SDHAF2: variants seen among roughly 807,000 people sequenced by gnomAD.
SDHAF2 encodes succinate dehydrogenase assembly factor 2, mitochondrial.
SDHAF2 carries 21 observed loss-of-function variants against 18.5 expected under a neutral mutation model. The observed-to-expected ratio is 1.13, with a 90% CI of 0.80 to 1.63. The LOEUF (loss-of-function observed/expected upper bound fraction) is 1.63, where lower values mean the gene tolerates loss of function less well. Ranked by LOEUF, SDHAF2 falls within the 40% of genes most tolerant of loss-of-function variation. The probability of loss-of-function intolerance (pLI) is 0.00; values close to 1 mark genes in which losing one functional copy is unlikely to be tolerated. For missense variants in SDHAF2, 195 were observed against 200.3 expected (o/e 0.97, Z 0.16); for synonymous variants, 84 against 70.7 (o/e 1.19, Z -0.94).
chr11:61,445,714 A>G (rs1403678043), intron 3 of SDHAF2, among the ~76,000 whole-genome samples: 1 of 152,350 alleles, frequency 6.6e-6, no homozygotes, highest in East Asian at 1.9e-4. Flanking sequence ...CATGGGTAAT[A>G]TGTAAACCAT....
chr11:61,436,913 G>C (rs1862001011), intron 1 of SDHAF2: 22 of 1,286,384 alleles, frequency 1.7e-5, no homozygotes, highest in Non-Finnish European at 2.2e-5. Context: ...GGGAGCCTTT[G>C]GGGGATTAGG....
Position 61,437,761 on chromosome 11 carries a change from G to A in SDHAF2, c.173G>A (p.Arg58Lys). 6.2e-7 allele frequency: 1 copy of A among 1,614,182 alleles called. No individual in the cohort carries two copies. The highest frequency in any genetic ancestry group is 8.5e-7 in the Non-Finnish European group (1 of 1,180,024). ...IEIPLPPWQE[R>K]TDESIETKRA... is the part of the protein sequence containing the mutation. ...ATCCCTTTGCCTCCATGGCAGGAGA[G>A]AACTGATGAATCCATAGAAACCAAA... is the stretch of plus-strand genomic sequence containing the variant. Residue 58 changes from arginine (R) to lysine (K), a missense_variant, in exon 2 of 4, where the codon AGA becomes AAA. By Grantham distance (26) the Arg-to-Lys change is conservative. Transcript: ENST00000301761.
At chr11:61,440,516 G>A (rs182937013) in intron 3 of SDHAF2, among the ~76,000 whole-genome samples, 5 of 151,810 alleles carry the variant, frequency 3.3e-5, no homozygotes, top group Admixed American at 1.3e-4. Flanking sequence ...CAGGAGAATC[G>A]CTTAAACCTG....
intron 3 of SDHAF2, among the ~76,000 whole-genome samples, chr11:61,442,892 C>G (rs1862087740): frequency 6.6e-6 from 1 of 152,102 alleles, no homozygotes; most frequent in Admixed American, 6.5e-5. Context: ...CAACTGGGAC[C>G]ACAGGCACGT....
At chr11:61,443,439 T>C (rs796789449) in intron 3 of SDHAF2, among the ~76,000 whole-genome samples, 12 of 152,358 alleles carry the variant, frequency 7.9e-5, no homozygotes, top group African/African-American at 2.6e-4. Context: ...GTGTGTTGTT[T>C]TTTTCTTCTT....
At chr11:61,438,203 T>TA (rs750848456) in intron 3 of SDHAF2, 90 bp downstream of exon 3, 1 of 911,238 alleles carries the variant, frequency 1.1e-6, no homozygotes, top group Non-Finnish European at 1.6e-6. Flanking sequence ...TTTTTTTCTT[T>TA]CTTTTTTTTT....
rs544036326 is a variant in SDHAF2 at position 61,442,185 on chromosome 11, G to C, written c.371-3756G>C. On this transcript the variant is annotated intron_variant, in intron 3 of 3. Coordinates refer to ENST00000301761, the MANE Select transcript of SDHAF2 (RefSeq NM_017841.4). The stretch of plus-strand genomic sequence containing the variant: ...TGGGATTACAGGTGTGAGCCACCAT[G>C]CCTGGCCAGATTTTCCATTTTGGAA... Among the ~76,000 whole-genome samples the C allele has an allele frequency of 3.9e-5, 6 of 152,286 alleles. No individual in the cohort carries two copies. In the East Asian group the frequency reaches 1.2e-3, roughly 29 times the overall value.
Position 61,438,077 on chromosome 11 carries a change from C to A in SDHAF2, c.334C>A (p.Pro112Thr), listed in dbSNP as rs758481098. Residue 112 changes from proline (P) to threonine (T), a missense_variant, in exon 3 of 4, where the codon CCT becomes ACT. Pro to Thr is a conservative substitution (Grantham distance 38). Coordinates refer to ENST00000301761, the MANE Select transcript of SDHAF2 (RefSeq NM_017841.4). ...LNLYDRLINE[P>T]SNDWDIYYWA... ...CCTCTATGACCGCCTGATTAACGAGCCTAGTAATGACTGGGATATTTACTA... is the reference window on the plus strand; with the variant it reads ...CCTCTATGACCGCCTGATTAACGAGACTAGTAATGACTGGGATATTTACTA... 3 of 1,613,986 alleles carry A rather than the reference C, an allele frequency of 1.9e-6. No homozygotes were observed. The highest frequency in any genetic ancestry group is 2.5e-6 in the Non-Finnish European group (3 of 1,179,936).
intron 3 of SDHAF2, among the ~76,000 whole-genome samples, 158 bp from the exon 4 acceptor site, chr11:61,445,783 C>T (rs1862129997): frequency 6.6e-6 from 1 of 152,160 alleles, no homozygotes; most frequent in Non-Finnish European, 1.5e-5. Context: ...GTTTGCCACC[C>T]CCTGGTATAG....
chr11:61,433,790 G>A (rs1861961949), intron 1 of SDHAF2: 1 of 152,276 alleles, frequency 6.6e-6, no homozygotes, highest in South Asian at 2.1e-4. Flanking sequence ...CATAGTCCTG[G>A]AGGCTAGAAG....
intron 3 of SDHAF2, among the ~76,000 whole-genome samples, chr11:61,440,546 A>G (rs1862051956): frequency 6.6e-6 from 1 of 152,188 alleles, no homozygotes; most frequent in Non-Finnish European, 1.5e-5. Context: ...GGTTGCAGTG[A>G]GCCAAGATTG....
In SDHAF2 at chr11:61,436,853, G is replaced by A. The variant is rs1033963295; in HGVS notation, c.37-772G>A. ...CTCCACCATCTTCACCTCTTGCTGA[G>A]GTCACCACCTTGACATCATATCTTG... On this transcript the variant is annotated intron_variant, in intron 1 of 3. Coordinates refer to ENST00000301761, the MANE Select transcript of SDHAF2 (RefSeq NM_017841.4). The A allele has an allele frequency of 7.8e-7, 1 of 1,286,220 alleles. No homozygotes were observed. Among genetic ancestry groups the A allele is most frequent in the Non-Finnish European group, 1.0e-6 (1 of 986,338 alleles). The allele number at this position is 1,286,220 out of a possible 1,614,324, so 79.7% of individuals were successfully genotyped here. A position where few individuals can be genotyped will look rare whatever the true frequency, so the allele number is the denominator to read the frequency against.
intron 1 of SDHAF2, 112 bp from the exon 2 acceptor site, chr11:61,437,513 T>A (rs1046710607): frequency 2.0e-6 from 2 of 995,808 alleles, no homozygotes; most frequent in African/African-American, 3.2e-5. Flanking sequence ...GCAGTGTAAT[T>A]TCCTCATGAC....
intron 3 of SDHAF2, among the ~76,000 whole-genome samples, chr11:61,438,615 CTTGT>C (rs1862026878): frequency 6.6e-6 from 1 of 152,146 alleles, no homozygotes; most frequent in Non-Finnish European, 1.5e-5. Context: ...AGAGTGGAAA[CTTGT>C]TTGTCTCACT....
At chr11:61,438,359 C>G in intron 3 of SDHAF2, 2 of 585,458 alleles carry the variant, frequency 3.4e-6, no homozygotes, top group Non-Finnish European at 6.0e-6. Context: ...GTCACCACAC[C>G]CGGGTAATTT....
In SDHAF2 at chr11:61,430,157, C is replaced by G. The variant is rs778449586; in HGVS notation, c.11C>G (p.Ser4Cys). 1.4e-5 allele frequency: 22 copies of G among 1,614,090 alleles called. No individual in the cohort carries two copies. Among genetic ancestry groups the G allele is most frequent in the South Asian group, 7.7e-5 (7 of 91,084 alleles). The change falls in exon 1 of 4, where the codon TCT becomes TGT. Residue 4 changes from serine (S) to cysteine (C), a missense_variant. By Grantham distance (112) the Ser-to-Cys change is moderately radical. Coordinates refer to ENST00000301761, the MANE Select transcript of SDHAF2 (RefSeq NM_017841.4). The stretch of plus-strand genomic sequence containing the variant: ...GTGCAGGTGGGGAAAATGGCGGTGT[C>G]TACAGTGTTCTCGACTTCGTCGCTG... MAV[S>C]TVFSTSSLML...
chr11:61,434,166 T>TG (rs1464190910), intron 1 of SDHAF2: 1 of 150,106 alleles, frequency 6.7e-6, no homozygotes. Context: ...TTCCCCAACT[T>TG]TGGGGGTTTT....
At chr11:61,440,503 AG>A (rs1862051041) in intron 3 of SDHAF2, among the ~76,000 whole-genome samples, 1 of 152,046 alleles carries the variant, frequency 6.6e-6, no homozygotes, top group South Asian at 2.1e-4. Context: ...CGGGAGGCTG[AG>A]TCAGGAGAAT....
intron 1 of SDHAF2, among the ~76,000 whole-genome samples, chr11:61,437,401 A>C (rs188839641): frequency 6.6e-6 from 1 of 152,180 alleles, no homozygotes; most frequent in African/African-American, 2.4e-5. Flanking sequence ...GGGTCTCGCT[A>C]TGTTGCTCAG....
Sources: allele counts gnomAD v4.1 joint callset (sites outside exome capture counted in the v4.1 genomes callset), GRCh38; gene constraint gnomAD v4.1.1; transcripts MANE v1.5; gene names NCBI Gene and HGNC (gene_info 2026-07-23, HGNC 2026-07-21).